Variants in ATP6V1H observed in about 807,000 individuals in gnomAD.
The protein encoded by ATP6V1H is V-type proton ATPase subunit H.
A neutral mutation model predicts 71.7 loss-of-function variants in ATP6V1H; 39 were observed. The observed-to-expected ratio is 0.54, with a 90% CI of 0.42 to 0.71. ATP6V1H has a LOEUF of 0.71. ATP6V1H is among the 30% of genes least tolerant of loss of function. The pLI is 0.00. For missense variants in ATP6V1H, 509 were observed against 594.9 expected (o/e 0.86, Z 1.50); for synonymous variants, 192 against 199.3 (o/e 0.96, Z 0.31).
intron 9 of ATP6V1H, among the ~76,000 whole-genome samples, chr8:53,787,188 C>T (rs777739019): frequency 4.6e-5 from 7 of 152,190 alleles, no homozygotes; most frequent in Non-Finnish European, 7.3e-5. Flanking sequence ...GGACTCACCC[C>T]AAAATTTAAA....
intron 13 of ATP6V1H, among the ~76,000 whole-genome samples, chr8:53,741,797 T>C (rs16919528): frequency 0.026 from 3,936 of 152,242 alleles, 180 homozygotes; most frequent in African/African-American, 0.09. Context: ...TGGAAAAAAG[T>C]AAAAAACATT....
intron 9 of ATP6V1H, among the ~76,000 whole-genome samples, chr8:53,785,010 T>A (rs1049105004): frequency 1.3e-5 from 2 of 152,156 alleles, no homozygotes; most frequent in Non-Finnish European, 2.9e-5. Flanking sequence ...CTGACAATTA[T>A]GTGTCTTGGA....
At chr8:53,786,265 C>CG (rs1809380458) in intron 9 of ATP6V1H, among the ~76,000 whole-genome samples, 1 of 152,204 alleles carries the variant, frequency 6.6e-6, no homozygotes, top group South Asian at 2.1e-4. Context: ...GCCTCGCTGC[C>CG]GCCTTGCAGT....
At chr8:53,755,187 A>T (rs543773984) in intron 12 of ATP6V1H, among the ~76,000 whole-genome samples, 2 of 152,260 alleles carry the variant, frequency 1.3e-5, no homozygotes, top group South Asian at 4.1e-4. Context: ...TTCACTGGAA[A>T]CAAAGATCAT....
At position 53,833,104 on chromosome 8, in the gene ATP6V1H, G is replaced by C; in HGVS notation, c.114-18C>G. 6 of 1,593,766 alleles carry C rather than the reference G, an allele frequency of 3.8e-6. No homozygotes were observed. The highest frequency in any genetic ancestry group is 5.2e-6 in the Non-Finnish European group (6 of 1,163,566). ...TCTGTCCCCTAGAAAGTAAGAATAA[G>C]ATGTTTTGTTCAGTAAGAGTTGAAT... On this transcript the variant is annotated intron_variant, in intron 2 of 13. Transcript: ENST00000359530.
At chr8:53,723,642 G>A (rs1236310297) in intron 13 of ATP6V1H, among the ~76,000 whole-genome samples, 1 of 152,134 alleles carries the variant, frequency 6.6e-6, no homozygotes, top group Admixed American at 6.5e-5. Flanking sequence ...TGCTGGGTGA[G>A]GATCTCCCTA....
At chr8:53,738,732 G>C (rs1807315224) in intron 13 of ATP6V1H, among the ~76,000 whole-genome samples, 1 of 152,146 alleles carries the variant, frequency 6.6e-6, no homozygotes, top group South Asian at 2.1e-4. Flanking sequence ...CTGATACTTT[G>C]CAACAATCTG....
At chr8:53,814,326 C>T (rs942432348) in intron 6 of ATP6V1H, among the ~76,000 whole-genome samples, 7 of 152,082 alleles carry the variant, frequency 4.6e-5, no homozygotes, top group East Asian at 3.9e-4. Context: ...AAGCCTCACA[C>T]GCACGTGCTC....
intron 4 of ATP6V1H, among the ~76,000 whole-genome samples, chr8:53,822,036 A>C (rs1471191107): frequency 1.3e-5 from 2 of 152,200 alleles, no homozygotes; most frequent in East Asian, 3.8e-4. Flanking sequence ...AAATGAAAGA[A>C]AAGAGCAAAA....
chr8:53,802,022 A>C, intron 7 of ATP6V1H, 126 bp from the exon 8 acceptor site: 1 of 753,106 alleles, frequency 1.3e-6, no homozygotes, highest in Non-Finnish European at 2.1e-6. Context: ...AAAATTCCCT[A>C]ATCTCTTTTC....
intron 7 of ATP6V1H, among the ~76,000 whole-genome samples, chr8:53,809,262 A>G (rs1029906202): frequency 1.3e-5 from 2 of 152,222 alleles, no homozygotes; most frequent in Non-Finnish European, 2.9e-5. Context: ...ATGTAAAATG[A>G]GTAAGCGTCA....
chr8:53,784,885 T>C (rs1429391244), intron 9 of ATP6V1H, among the ~76,000 whole-genome samples: 3 of 152,244 alleles, frequency 2.0e-5, no homozygotes, highest in Non-Finnish European at 2.9e-5. Context: ...TTCTTGCTTG[T>C]AGAGTTTCTG....
rs1322754716 is a variant in ATP6V1H at position 53,814,589 on chromosome 8, T to C, written c.525+73A>G. ...TAAAACATTTTTGTAATTTAACATA[T>C]TTACTATAAATAGCTTAAAAGAACA... On this transcript the variant is annotated intron_variant, in intron 6 of 13. Coordinates refer to ENST00000359530, the MANE Select transcript of ATP6V1H (RefSeq NM_015941.4). The C allele has an allele frequency of 1.1e-5, 9 of 839,074 alleles. 1 individual carries two copies. In the South Asian group the frequency reaches 1.4e-4, roughly 13 times the overall value. The allele number at this position is 839,074 out of a possible 1,614,324, so 52.0% of individuals were successfully genotyped here.
At chr8:53,808,100 C>CA (rs1232909010) in intron 7 of ATP6V1H, among the ~76,000 whole-genome samples, 1 of 152,218 alleles carries the variant, frequency 6.6e-6, no homozygotes, top group African/African-American at 2.4e-5. Context: ...TTCTGCAACA[C>CA]AAATCACAGA....
intron 9 of ATP6V1H, among the ~76,000 whole-genome samples, chr8:53,793,535 C>T (rs898686003): frequency 6.6e-6 from 1 of 151,982 alleles, no homozygotes; most frequent in Non-Finnish European, 1.5e-5. Context: ...GTCCCAGCTA[C>T]TTGGGAGGCT....
At chr8:53,794,779 G>A (rs1304522319) in intron 9 of ATP6V1H, among the ~76,000 whole-genome samples, 1 of 152,166 alleles carries the variant, frequency 6.6e-6, no homozygotes, top group Non-Finnish European at 1.5e-5. Flanking sequence ...TATCAGCAAT[G>A]TGACCTCTAC....
chr8:53,817,355 T>G (rs1219155522), intron 5 of ATP6V1H, 62 bp downstream of exon 5: 1 of 1,137,390 alleles, frequency 8.8e-7, no homozygotes, highest in Non-Finnish European at 1.3e-6. Context: ...CTGGACAACA[T>G]AGTGAGACCC....
In ATP6V1H at chr8:53,715,863, G is replaced by T; in HGVS notation, c.*101C>A. On this transcript the variant is annotated 3_prime_UTR_variant, in exon 14 of 14. Transcript: ENST00000359530. Reference sequence around the variant, plus strand: ...CATTGGGAAAAGCTATATAACAGAGGAAATTCCAAGTAAAATCAAACAGTG... The same window carrying T: ...CATTGGGAAAAGCTATATAACAGAGTAAATTCCAAGTAAAATCAAACAGTG... 1.0e-6 allele frequency: 1 copy of T among 995,380 alleles called. No individual in the cohort carries two copies. The highest frequency in any genetic ancestry group is 1.8e-5 in the South Asian group (1 of 56,464). 61.7% of individuals were successfully genotyped at this position (995,380 alleles called of 1,614,324 possible).
chr8:53,731,926 T>C (rs1182147258), intron 13 of ATP6V1H, among the ~76,000 whole-genome samples: 1 of 152,234 alleles, frequency 6.6e-6, no homozygotes, highest in Non-Finnish European at 1.5e-5. Context: ...GAGCGGTGCA[T>C]GGCAGTCCCC....
Sources: allele counts gnomAD v4.1 joint callset (sites outside exome capture counted in the v4.1 genomes callset), GRCh38; gene constraint gnomAD v4.1.1; transcripts MANE v1.5; gene names NCBI Gene and HGNC (gene_info 2026-07-23, HGNC 2026-07-21).